Variants in CACNB2 observed in about 807,000 individuals in gnomAD.
CACNB2 encodes voltage-dependent L-type calcium channel subunit beta-2.
A neutral mutation model predicts 73.3 loss-of-function variants in CACNB2; 42 were observed. The observed-to-expected ratio is 0.57, with a 90% CI of 0.45 to 0.74. The LOEUF is 0.74. Among genes scored for constraint, CACNB2 ranks in the 30% least tolerant of loss-of-function variants. The probability of loss-of-function intolerance (pLI) is 0.00; values close to 1 mark genes in which losing one functional copy is unlikely to be tolerated. For missense variants in CACNB2, 940 were observed against 853.0 expected (o/e 1.10, Z -1.27); for synonymous variants, 348 against 310.3 (o/e 1.12, Z -1.28).
intron 2 of CACNB2, among the ~76,000 whole-genome samples, chr10:18,398,686 CACACAT>C (rs879325426): frequency 0.068 from 5,731 of 84,726 alleles, 132 homozygotes; most frequent in Middle Eastern, 0.15. Flanking sequence ...CACACACACA[CACACAT>C]ACACACACAC....
Position 18,260,468 on chromosome 10 carries a change from C to T in CACNB2, c.213+109493C>T, listed in dbSNP as rs546910527. 45 of 985,430 alleles carry T rather than the reference C, an allele frequency of 4.6e-5. No individual in the cohort carries two copies. The African/African-American group carries it at 6.6e-4, about 15-fold the overall frequency. 61.0% of individuals were successfully genotyped at this position (985,430 alleles called of 1,614,324 possible). On this transcript the variant is annotated intron_variant, in intron 2 of 13. Coordinates refer to ENST00000324631, the MANE Select transcript of CACNB2 (RefSeq NM_201596.3). ...TGCCAGCGAGCACCAAACAACTGTG[C>T]GCCGCAGTGCTTGAGCGAGTCAGGT... is the stretch of plus-strand genomic sequence containing the variant.
At chr10:18,334,669 A>G (rs1007195983) in intron 2 of CACNB2, among the ~76,000 whole-genome samples, 1 of 152,084 alleles carries the variant, frequency 6.6e-6, no homozygotes, top group Non-Finnish European at 1.5e-5. Context: ...TCTGCCCACT[A>G]GATTCCAGTA....
intron 2 of CACNB2, among the ~76,000 whole-genome samples, chr10:18,162,456 T>C (rs189582688): frequency 5.9e-5 from 9 of 152,354 alleles, no homozygotes; most frequent in Non-Finnish European, 1.2e-4. Context: ...CACCAATGTG[T>C]GGATCGTACT....
At chr10:18,222,079 AC>A (rs1452890610) in intron 2 of CACNB2, among the ~76,000 whole-genome samples, 6 of 152,200 alleles carry the variant, frequency 3.9e-5, no homozygotes, top group African/African-American at 1.4e-4. Flanking sequence ...GAAAGGAAGA[AC>A]CTGGCAGTGT....
chr10:18,513,905 T>C (rs1163535517), intron 6 of CACNB2, among the ~76,000 whole-genome samples: 1 of 152,264 alleles, frequency 6.6e-6, no homozygotes, highest in Non-Finnish European at 1.5e-5. Context: ...AAATGTTCTG[T>C]ACTGCACTTT....
At chr10:18,449,893 C>T (rs117996615) in intron 3 of CACNB2, among the ~76,000 whole-genome samples, 4 of 152,162 alleles carry the variant, frequency 2.6e-5, no homozygotes, top group African/African-American at 4.8e-5. Flanking sequence ...CACACCAGGA[C>T]CAGTGTTGAG....
chr10:18,499,613 CAAAG>C (rs2050064130), intron 4 of CACNB2, among the ~76,000 whole-genome samples: 2 of 21,408 alleles, frequency 9.3e-5, no homozygotes, highest in East Asian at 1.2e-3. Flanking sequence ...GATTCTGTCT[CAAAG>C]AAAAAAAAAA....
At chr10:18,288,162 A>G (rs1320967458) in intron 2 of CACNB2, among the ~76,000 whole-genome samples, 2 of 152,196 alleles carry the variant, frequency 1.3e-5, no homozygotes, top group African/African-American at 2.4e-5. Context: ...CTTAATTTCT[A>G]AATCAGGCCA....
chr10:18,370,315 G>T (rs1351140614), intron 2 of CACNB2, among the ~76,000 whole-genome samples: 2 of 151,964 alleles, frequency 1.3e-5, no homozygotes, highest in Non-Finnish European at 2.9e-5. Context: ...TTTTTTTGAG[G>T]TAGAGTCTTG....
intron 2 of CACNB2, among the ~76,000 whole-genome samples, chr10:18,258,979 A>G (rs2037406666): frequency 2.0e-5 from 3 of 152,098 alleles, no homozygotes. Context: ...TGATTTAATC[A>G]CTAAAGTGTC....
chr10:18,384,967 C>T (rs866037436), intron 2 of CACNB2, among the ~76,000 whole-genome samples: 4 of 151,882 alleles, frequency 2.6e-5, no homozygotes, highest in African/African-American at 9.7e-5. Flanking sequence ...ACAGTAGAAT[C>T]ACATGCAGAA....
At chr10:18,490,982 C>A (rs1456993294) in intron 3 of CACNB2, among the ~76,000 whole-genome samples, 2 of 152,206 alleles carry the variant, frequency 1.3e-5, no homozygotes, top group African/African-American at 2.4e-5. Flanking sequence ...AGAGCCAGAG[C>A]ACCTCTTGTG....
chr10:18,515,138 C>T lies in CACNB2; in HGVS notation c.804+769C>T, dbSNP rs1412698408. 3.1e-6 allele frequency: 3 copies of T among 978,704 alleles called. No homozygotes were observed. The Admixed American group carries it at 5.7e-5, about 19-fold the overall frequency. The allele number at this position is 978,704 out of a possible 1,614,324, so 60.6% of individuals were successfully genotyped here. A position where few individuals can be genotyped will look rare whatever the true frequency, so the allele number is the denominator to read the frequency against. On this transcript the variant is annotated intron_variant, in intron 7 of 13. Transcript: ENST00000324631. ...CATCTCACCCTTTGGACAGTGCAGC[C>T]AGTGGTCATGCGTAGAGCCTTTGCC...
chr10:18,409,501 A>T (rs2044495968), intron 3 of CACNB2, among the ~76,000 whole-genome samples: 1 of 152,182 alleles, frequency 6.6e-6, no homozygotes, highest in Non-Finnish European at 1.5e-5. Flanking sequence ...CTTATCACTT[A>T]TCTTGACTAA....
intron 9 of CACNB2, chr10:18,520,192 C>G (rs1158295856): frequency 6.5e-6 from 1 of 155,030 alleles, no homozygotes; most frequent in African/African-American, 2.4e-5. Context: ...ACTAAGATGT[C>G]TAATGGACTT....
chr10:18,447,555 T>C (rs577545219), intron 3 of CACNB2, among the ~76,000 whole-genome samples: 10 of 152,272 alleles, frequency 6.6e-5, no homozygotes, highest in South Asian at 2.1e-4. Flanking sequence ...AATAGGACTT[T>C]GCAGAGTCAG....
chr10:18,522,886 A>C (rs1394948531), intron 9 of CACNB2, among the ~76,000 whole-genome samples: 2 of 14,982 alleles, frequency 1.3e-4, no homozygotes, highest in African/African-American at 3.7e-4. Flanking sequence ...TCAAAAAAAA[A>C]AAAAAAAAAA....
intron 9 of CACNB2, among the ~76,000 whole-genome samples, chr10:18,522,552 G>T (rs1191589592): frequency 6.6e-6 from 1 of 152,124 alleles, no homozygotes; most frequent in African/African-American, 2.4e-5. Flanking sequence ...AGGGTAGGAA[G>T]GAAAGTTTTA....
intron 2 of CACNB2, among the ~76,000 whole-genome samples, chr10:18,378,977 C>G (rs1203779722): frequency 6.6e-6 from 1 of 152,164 alleles, no homozygotes; most frequent in African/African-American, 2.4e-5. Context: ...ACCAGTGTTC[C>G]AAAGCCAGGA....
Sources: allele counts gnomAD v4.1 joint callset (sites outside exome capture counted in the v4.1 genomes callset), GRCh38; gene constraint gnomAD v4.1.1; transcripts MANE v1.5; gene names NCBI Gene and HGNC (gene_info 2026-07-23, HGNC 2026-07-21).